Variants in SCN4A observed in about 807,000 individuals in gnomAD.
The protein encoded by SCN4A is sodium voltage-gated channel alpha subunit 4.
SCN4A carries 83 observed loss-of-function variants against 162.0 expected under a neutral mutation model. That is an observed-to-expected ratio of 0.51 (90% confidence interval 0.43 to 0.61). The LOEUF (loss-of-function observed/expected upper bound fraction) is 0.61. Ranked by LOEUF, SCN4A falls within the 20% of genes least tolerant of loss-of-function variation. The pLI, the probability that SCN4A is intolerant of heterozygous loss-of-function variation, is 0.00. For missense variants in SCN4A, 2,196 were observed against 2,462.5 expected, an observed-to-expected ratio of 0.89 and a Z score of 2.29; for synonymous variants, 944 against 985.1, an observed-to-expected ratio of 0.96 and a Z score of 0.78.
rs149961939 is a variant in SCN4A at position 63,958,842 on chromosome 17, C to T, written c.2019+423G>A. Among the ~76,000 whole-genome samples the T allele has an allele frequency of 9.8e-4, 149 of 152,340 alleles. 1 individual carries two copies. The highest frequency in any genetic ancestry group is 3.4e-3 in the African/African-American group (140 of 41,578). On this transcript the variant is annotated intron_variant, in intron 12 of 23. Coordinates refer to ENST00000435607, the MANE Select transcript of SCN4A (RefSeq NM_000334.4). ...TGTTGGGATTACAGGCGTGAGCCAC[C>T]GCGTCCAGCTGATAAAGTTTTAAAA... is the stretch of plus-strand genomic sequence containing the variant.
chr17:63,947,879 G>T lies in SCN4A; in HGVS notation c.3318+11C>A, dbSNP rs755627818. 9.9e-6 allele frequency: 16 copies of T among 1,612,628 alleles called. No individual in the cohort carries two copies. In the Admixed American group the frequency reaches 2.0e-4, roughly 20 times the overall value. ...TGGATGTAGCTACGGGGCCAGCGTG[G>T]GGGGACTCACATCCACGATGAGGAA... On this transcript the variant is annotated intron_variant, in intron 17 of 23. Coordinates refer to ENST00000435607, the MANE Select transcript of SCN4A (RefSeq NM_000334.4).
At chr17:63,970,078 G>A (rs149532346) in intron 5 of SCN4A, among the ~76,000 whole-genome samples, 28 of 152,088 alleles carry the variant, frequency 1.8e-4, no homozygotes, top group Non-Finnish European at 3.1e-4. Context: ...CTGAATGTTC[G>A]GATTCTATTG....
chr17:63,964,328 G>GGCCTTCTGC, intron 9 of SCN4A, 140 bp downstream of exon 9: 1 of 675,682 alleles, frequency 1.5e-6, no homozygotes, highest in Non-Finnish European at 2.5e-6. Flanking sequence ...CCCAGCCCAG[G>GGCCTTCTGC]GCCTTCTGCT....
Position 63,941,259 on chromosome 17 carries a change from G to A in SCN4A, c.5023C>T (p.His1675Tyr), listed in dbSNP as rs767464961. The change falls in exon 24 of 24, where the codon CAC becomes TAC. Residue 1675 changes from histidine (H) to tyrosine (Y), a missense_variant. By Grantham distance (83) the His-to-Tyr change is moderately conservative. Transcript: ENST00000435607. This position sits in a 1 kb window ranked among gnomAD's most constrained non-coding sequence, Gnocchi z 6.2. ...DLPMVPGDKIHCLDILFALTK... is the reference protein window; with the variant it reads ...DLPMVPGDKIYCLDILFALTK... ...AGGGCAAAGAGGATGTCCAGGCAGT[G>A]GATCTTGTCCCCTGGCACCATGGGC... 9 of 1,613,790 alleles carry A rather than the reference G, an allele frequency of 5.6e-6. No individual in the cohort carries two copies. The Admixed American group carries it at 8.3e-5, about 15-fold the overall frequency.
chr17:63,947,353 C>G (rs569696230), intron 17 of SCN4A, among the ~76,000 whole-genome samples, 186 bp from the exon 18 acceptor site: 1 of 152,212 alleles, frequency 6.6e-6, no homozygotes, highest in Non-Finnish European at 1.5e-5. Flanking sequence ...AGGAGCCTGG[C>G]ACCACCTCAG....
Position 63,961,379 on chromosome 17 carries a change from G to C in SCN4A, c.1659C>G (p.His553Gln). The C allele has an allele frequency of 2.5e-5, 40 of 1,613,858 alleles. No homozygotes were observed. Among genetic ancestry groups the C allele is most frequent in the Non-Finnish European group, 3.3e-5 (39 of 1,179,812 alleles). ...CGCAGCAGTTCCATATGAGCACTTTGTGGGCGCACTTGTACCACCATGGTG... is the reference window on the plus strand; with the variant it reads ...CGCAGCAGTTCCATATGAGCACTTTCTGGGCGCACTTGTACCACCATGGTG... Reference protein sequence around the residue: ...KCPPWWYKCAHKVLIWNCCAP... With the variant: ...KCPPWWYKCAQKVLIWNCCAP... The change falls in exon 11 of 24, where the codon CAC becomes CAG. Residue 553 changes from histidine to glutamine, a missense_variant. Coordinates refer to ENST00000435607, the MANE Select transcript of SCN4A (RefSeq NM_000334.4).
At chr17:63,971,138 A>C in intron 5 of SCN4A, 24 bp downstream of exon 5, 1 of 1,492,898 alleles carries the variant, frequency 6.7e-7, no homozygotes, top group African/African-American at 1.4e-5. Context: ...GCTCAGGCAG[A>C]GGGTCCCTGC....
At chr17:63,947,831 G>T in intron 17 of SCN4A, 59 bp downstream of exon 17, 1 of 1,566,220 alleles carries the variant, frequency 6.4e-7, no homozygotes, top group Non-Finnish European at 8.7e-7. Flanking sequence ...GCTTCCTGAG[G>T]TCCCCGCCAC....
In SCN4A at chr17:63,968,356, C is replaced by T; in HGVS notation, c.704-1G>A. 1 of 1,586,572 alleles carries T rather than the reference C, an allele frequency of 6.3e-7. No individual in the cohort carries two copies. The highest frequency in any genetic ancestry group is 1.2e-5 in the South Asian group (1 of 86,256). Reference sequence around the variant, plus strand: ...AGGGCCCCCACGATCGTCTTCAGCCCTGACCGCAGAGAGGGCAAGGATATT... The same window carrying T: ...AGGGCCCCCACGATCGTCTTCAGCCTTGACCGCAGAGAGGGCAAGGATATT... On this transcript the variant is annotated splice_acceptor_variant, in intron 5 of 23. Coordinates refer to ENST00000435607, the MANE Select transcript of SCN4A (RefSeq NM_000334.4). LOFTEE classifies it high-confidence loss of function.
intron 7 of SCN4A, 82 bp from the exon 8 acceptor site, chr17:63,966,325 C>T (rs755300002): frequency 4.6e-5 from 68 of 1,488,174 alleles, no homozygotes; most frequent in Non-Finnish European, 5.4e-5. Context: ...GGGAAAAATT[C>T]CGTCAGTTCT....
At chr17:63,971,070 GGGAGTGTTGT>G in intron 5 of SCN4A, 82 bp downstream of exon 5, 1 of 836,042 alleles carries the variant, frequency 1.2e-6, no homozygotes, top group Non-Finnish European at 2.0e-6. Flanking sequence ...ACACCAGCCT[GGGAGTGTTGT>G]GACACTGAGT....
In SCN4A at chr17:63,959,381, A is replaced by C; in HGVS notation, c.1903T>G (p.Tyr635Asp). The C allele has an allele frequency of 6.2e-7, 1 of 1,613,984 alleles. No homozygotes were observed. ...MVLKLIAMDP[Y>D]EYFQQGWNIF... ...TTCCAACCCTGCTGGAAATACTCGTAGGGGTCCATGGCAATCAGCTTCAGA... is the reference window on the plus strand; with the variant it reads ...TTCCAACCCTGCTGGAAATACTCGTCGGGGTCCATGGCAATCAGCTTCAGA... The change falls in exon 12 of 24, where the codon TAC (tyrosine) becomes GAC (aspartate). Residue 635 changes from tyrosine (Y) to aspartate (D), a missense_variant. Transcript: ENST00000435607.
chr17:63,952,835 G>T (rs1326175344), intron 13 of SCN4A, among the ~76,000 whole-genome samples: 1 of 152,102 alleles, frequency 6.6e-6, no homozygotes, highest in Non-Finnish European at 1.5e-5. Flanking sequence ...TGGCCTCAGG[G>T]AGCTCACAGA....
Position 63,971,129 on chromosome 17 carries a change from C to A in SCN4A, c.703+33G>T, listed in dbSNP as rs548547386. ...TGCACATGGTACGGGGGTCTCTCAGCTCAGGCAGAGGGTCCCTGCACCTCC... is the reference window on the plus strand; with the variant it reads ...TGCACATGGTACGGGGGTCTCTCAGATCAGGCAGAGGGTCCCTGCACCTCC... On this transcript the variant is annotated intron_variant, in intron 5 of 23. Coordinates refer to ENST00000435607, the MANE Select transcript of SCN4A (RefSeq NM_000334.4). 3.5e-6 allele frequency: 5 copies of A among 1,431,372 alleles called. No homozygotes were observed. In the African/African-American group the frequency reaches 5.7e-5, roughly 16 times the overall value. The allele number at this position is 1,431,372 out of a possible 1,614,324, so 88.7% of individuals were successfully genotyped here.
rs369276226 is a variant in SCN4A at position 63,942,090 on chromosome 17, C to T, written c.4289-97G>A. On this transcript the variant is annotated intron_variant, in intron 23 of 23. Transcript: ENST00000435607. ...GGCTCAGGGGGCCCGGCCTGGTGTGCTCTGCTCAAGTCTCAGAGCACAGCC... is the reference window on the plus strand; with the variant it reads ...GGCTCAGGGGGCCCGGCCTGGTGTGTTCTGCTCAAGTCTCAGAGCACAGCC... 15 of 1,232,910 alleles carry T rather than the reference C, an allele frequency of 1.2e-5. No individual in the cohort carries two copies. In the African/African-American group the frequency reaches 1.2e-4, roughly 10 times the overall value. 76.4% of individuals were successfully genotyped at this position (1,232,910 alleles called of 1,614,324 possible). A position where few individuals can be genotyped will look rare whatever the true frequency, so the allele number is the denominator to read the frequency against.
At chr17:63,955,007 G>A (rs975105623) in intron 13 of SCN4A, among the ~76,000 whole-genome samples, 4 of 152,212 alleles carry the variant, frequency 2.6e-5, no homozygotes, top group Non-Finnish European at 4.4e-5. Flanking sequence ...GTGAGGATGA[G>A]GTGAAATGAA....
intron 18 of SCN4A, among the ~76,000 whole-genome samples, chr17:63,946,726 C>T (rs1015664657): frequency 3.9e-5 from 6 of 152,220 alleles, no homozygotes; most frequent in Admixed American, 1.3e-4. Flanking sequence ...ATAAACCTGC[C>T]TTCCTTCCTC....
At chr17:63,967,978 G>T in intron 6 of SCN4A, 45 bp downstream of exon 6, 5 of 1,516,402 alleles carry the variant, frequency 3.3e-6, no homozygotes, top group South Asian at 2.3e-5. Context: ...CTACCCTAGG[G>T]ACTGGGACAG....
Position 63,948,070 on chromosome 17 carries a change from G to T in SCN4A, c.3145-7C>A. The T allele has an allele frequency of 6.3e-7, 1 of 1,589,772 alleles. No homozygotes were observed. Among genetic ancestry groups the T allele is most frequent in the Non-Finnish European group, 8.6e-7 (1 of 1,162,262 alleles). Reference sequence around the variant, plus strand: ...TGTAGATGTCCTCGAAGGCCTGGGGGCACCAGCACCACCAGGGTGGCTGGG... The same window carrying T: ...TGTAGATGTCCTCGAAGGCCTGGGGTCACCAGCACCACCAGGGTGGCTGGG... On this transcript the variant is annotated splice_region_variant and splice_polypyrimidine_tract_variant and intron_variant, in intron 16 of 23. Coordinates refer to ENST00000435607, the MANE Select transcript of SCN4A (RefSeq NM_000334.4).
Sources: gnomAD v4.1 joint callset for allele counts (sites outside exome capture counted in the v4.1 genomes callset) on GRCh38, gnomAD v4.1.1 for gene constraint, Gnocchi (gnomAD v3.1) non-coding constraint, MANE v1.5 for transcripts, NCBI Gene and HGNC (gene_info 2026-07-23, HGNC 2026-07-21) for gene names.